The following MYT1L variants were observed in gnomAD, a reference collection of about 807,000 sequenced individuals.
The protein encoded by MYT1L is myelin transcription factor 1 like, also known as myelin transcription factor 1-like protein.
Under a neutral mutation model 126.7 loss-of-function variants are expected in MYT1L, and 12 were observed. The observed-to-expected ratio is 0.09, with a 90% CI of 0.06 to 0.15. The LOEUF (loss-of-function observed/expected upper bound fraction) is 0.15. Among genes scored for constraint, MYT1L ranks in the 10% least tolerant of loss-of-function variants. The pLI is 1.00. For missense variants in MYT1L, 979 were observed against 1,585.2 expected (o/e 0.62, Z 6.49); for synonymous variants, 541 against 604.2 (o/e 0.90, Z 1.53).
intron 3 of MYT1L, among the ~76,000 whole-genome samples, chr2:2,125,941 G>T (rs1289675686): frequency 6.6e-6 from 1 of 152,176 alleles, no homozygotes; most frequent in South Asian, 2.1e-4. Flanking sequence ...AGAACAGACG[G>T]CTTCTGTGTA....
chr2:1,919,693 T>C (rs890928645), intron 10 of MYT1L, among the ~76,000 whole-genome samples: 2 of 152,168 alleles, frequency 1.3e-5, no homozygotes, highest in Non-Finnish European at 2.9e-5. Flanking sequence ...GTTGGTGAGA[T>C]AGTACCACAA....
chr2:2,257,266 C>A (rs556871858), intron 2 of MYT1L, among the ~76,000 whole-genome samples: 13 of 152,294 alleles, frequency 8.5e-5, no homozygotes, highest in African/African-American at 3.1e-4. Context: ...ACAGCCCCTG[C>A]AATTTGCTAT....
At chr2:2,056,359 C>T (rs1260744237) in intron 3 of MYT1L, among the ~76,000 whole-genome samples, 1 of 152,224 alleles carries the variant, frequency 6.6e-6, no homozygotes, top group Non-Finnish European at 1.5e-5. Context: ...GGTGAGACTA[C>T]CTTTGTTCCA....
In MYT1L at chr2:1,946,368, C is replaced by T. The variant is rs1469645; in HGVS notation, c.153-3034G>A. On this transcript the variant is annotated intron_variant, in intron 8 of 24. Transcript: ENST00000647738. Reference sequence around the variant, plus strand: ...ATATAATGCACTTGAATTACATCCTCTCCACCCCCAAACCATGGAAAAGCT... The same window carrying T: ...ATATAATGCACTTGAATTACATCCTTTCCACCCCCAAACCATGGAAAAGCT... Among the ~76,000 whole-genome samples the T allele has an allele frequency of 3.7e-4, 56 of 151,976 alleles. 3 individuals are homozygous for T. In the South Asian group the frequency reaches 0.011, roughly 30 times the overall value.
At chr2:1,974,417 C>T (rs1298057952) in intron 8 of MYT1L, 1 of 152,174 alleles carries the variant, frequency 6.6e-6, no homozygotes, top group African/African-American at 2.4e-5. Flanking sequence ...TACTTCTAGC[C>T]CTGCTTATAA....
At chr2:2,037,533 A>T (rs1470454470) in intron 4 of MYT1L, among the ~76,000 whole-genome samples, 3 of 151,578 alleles carry the variant, frequency 2.0e-5, no homozygotes, top group African/African-American at 7.3e-5. Flanking sequence ...AGGTGGCCAG[A>T]TCATATGAAG....
In MYT1L at chr2:2,275,945, G is replaced by A. The variant is rs546290449; in HGVS notation, c.-421+8459C>T. On this transcript the variant is annotated intron_variant, in intron 2 of 24. Transcript: ENST00000647738. ...TTCAGTGTCATTCCCAAATGAGATC[G>A]ACCTCCACCTTGCCCCAGCGGGTTT... Among the ~76,000 whole-genome samples the A allele has an allele frequency of 6.6e-5, 10 of 152,196 alleles. No homozygotes were observed. In the South Asian group the frequency reaches 1.9e-3, roughly 28 times the overall value.
intron 2 of MYT1L, among the ~76,000 whole-genome samples, chr2:2,257,039 T>A (rs748915370): frequency 9.2e-5 from 14 of 152,188 alleles, no homozygotes; most frequent in Non-Finnish European, 1.8e-4. Context: ...GAGAGCTTAG[T>A]GAACTATGCA....
At chr2:2,051,756 T>C (rs1187632936) in intron 4 of MYT1L, among the ~76,000 whole-genome samples, 2 of 152,160 alleles carry the variant, frequency 1.3e-5, no homozygotes, top group Admixed American at 6.5e-5. Flanking sequence ...AAAAACTAGG[T>C]AAAAATCTGA....
At chr2:2,036,419 G>A (rs1257093501) in intron 4 of MYT1L, among the ~76,000 whole-genome samples, 6 of 133,934 alleles carry the variant, frequency 4.5e-5, no homozygotes, top group Admixed American at 1.5e-4. Flanking sequence ...CCTCCAATGC[G>A]GGTGCAGAAG....
chr2:2,128,652 AT>A (rs1303928260), intron 3 of MYT1L, among the ~76,000 whole-genome samples: 1 of 152,196 alleles, frequency 6.6e-6, no homozygotes. Context: ...AAAATTTATA[AT>A]GGTTATTATA....
chr2:2,081,719 GTTTA>G (rs1165096077), intron 3 of MYT1L, among the ~76,000 whole-genome samples: 1 of 151,966 alleles, frequency 6.6e-6, no homozygotes, highest in Admixed American at 6.6e-5. Context: ...ACCTTAGTTA[GTTTA>G]TTTATTTATA....
At chr2:2,127,522 G>C (rs929812748) in intron 3 of MYT1L, among the ~76,000 whole-genome samples, 5 of 152,194 alleles carry the variant, frequency 3.3e-5, no homozygotes, top group African/African-American at 1.2e-4. Context: ...TAGAGATCCT[G>C]CTACCAAATA....
intron 5 of MYT1L, among the ~76,000 whole-genome samples, chr2:1,985,807 G>T (rs1302529909): frequency 1.3e-5 from 2 of 152,182 alleles, no homozygotes; most frequent in Non-Finnish European, 2.9e-5. Context: ...CCATCATTTT[G>T]ACAGAGCCAA....
chr2:1,895,719 C>A (rs1427500001), intron 14 of MYT1L, among the ~76,000 whole-genome samples: 1 of 152,160 alleles, frequency 6.6e-6, no homozygotes, highest in Non-Finnish European at 1.5e-5. Flanking sequence ...TGTAAGATGT[C>A]AAACTATAAA....
intron 2 of MYT1L, among the ~76,000 whole-genome samples, chr2:2,208,794 T>C (rs1210559844): frequency 3.3e-5 from 5 of 152,192 alleles, no homozygotes; most frequent in South Asian, 2.1e-4. Flanking sequence ...GGCTCTATCA[T>C]AGTAGAAATG....
chr2:1,981,759 G>A (rs1219166177), intron 5 of MYT1L, among the ~76,000 whole-genome samples: 1 of 152,200 alleles, frequency 6.6e-6, no homozygotes, highest in Admixed American at 6.5e-5. Context: ...GGGCATGGAG[G>A]GGGCAGGCAG....
At chr2:2,232,417 G>A (rs902577026) in intron 2 of MYT1L, among the ~76,000 whole-genome samples, 7 of 152,236 alleles carry the variant, frequency 4.6e-5, no homozygotes, top group Admixed American at 1.3e-4. Flanking sequence ...TTGTAAGTCA[G>A]CATTCCATGG....
At chr2:2,050,985 G>A (rs1431047979) in intron 4 of MYT1L, among the ~76,000 whole-genome samples, 1 of 152,196 alleles carries the variant, frequency 6.6e-6, no homozygotes, top group Non-Finnish European at 1.5e-5. Flanking sequence ...AGGCAGATGA[G>A]TGAAAGAAAG....
Sources: gnomAD v4.1 joint callset for allele counts (sites outside exome capture counted in the v4.1 genomes callset) on GRCh38, gnomAD v4.1.1 for gene constraint, MANE v1.5 for transcripts, NCBI Gene and HGNC (gene_info 2026-07-23, HGNC 2026-07-21) for gene names.